GRM1: variants seen among roughly 807,000 people sequenced by gnomAD.
The protein encoded by GRM1 is metabotropic glutamate receptor 1.
Under a neutral mutation model 90.9 loss-of-function variants are expected in GRM1, and 33 were observed. The observed-to-expected ratio is 0.36, with a 90% CI of 0.28 to 0.49. GRM1 has a LOEUF of 0.49. GRM1 is among the 20% of genes least tolerant of loss of function. The pLI is 0.99. For missense variants in GRM1, 1,190 were observed against 1,534.3 expected, an observed-to-expected ratio of 0.78 and a Z score of 3.75; for synonymous variants, 700 against 613.2, an observed-to-expected ratio of 1.14 and a Z score of -2.09.
chr6:146,293,857 T>C (rs1783081959), intron 2 of GRM1, among the ~76,000 whole-genome samples: 1 of 151,642 alleles, frequency 6.6e-6, no homozygotes, highest in Admixed American at 6.6e-5. Context: ...GATTAAATTT[T>C]ATTGGCTTGG....
intron 1 of GRM1, among the ~76,000 whole-genome samples, chr6:146,036,424 T>C (rs530233367): frequency 1.9e-4 from 29 of 152,134 alleles, no homozygotes; most frequent in African/African-American, 6.7e-4. Flanking sequence ...AAAATGTCAC[T>C]GTCTTATGCA....
chr6:146,149,393 A>G (rs1777233739), intron 1 of GRM1, among the ~76,000 whole-genome samples: 1 of 152,204 alleles, frequency 6.6e-6, no homozygotes. Flanking sequence ...AGCTAAAGCT[A>G]CTGGGTCAGT....
At chr6:146,410,710 A>C (rs1205652805) in intron 7 of GRM1, among the ~76,000 whole-genome samples, 1 of 152,144 alleles carries the variant, frequency 6.6e-6, no homozygotes, top group African/African-American at 2.4e-5. Context: ...AAGGTGGAGG[A>C]AGTGCAGAGA....
intron 7 of GRM1, among the ~76,000 whole-genome samples, chr6:146,421,068 A>C (rs1373626442): frequency 1.3e-5 from 2 of 152,180 alleles, no homozygotes; most frequent in East Asian, 3.9e-4. Context: ...AGAATGTCTA[A>C]AAACCTCATA....
chr6:146,358,415 G>A lies in GRM1; in HGVS notation c.1602+721G>A, dbSNP rs190211702. ...ACTGGGGGATGCGCTAGGAAATGGA[G>A]CATAGGGGAGGGATTGTGAATGGCA... On this transcript the variant is annotated intron_variant, in intron 5 of 7. Coordinates refer to ENST00000282753, the MANE Select transcript of GRM1 (RefSeq NM_001278064.2). 1.3e-3 allele frequency among the ~76,000 whole-genome samples: 199 copies of A among 152,314 alleles called. 1 individual carries two copies. The highest frequency in any genetic ancestry group is 3.2e-3 in the Admixed American group (49 of 15,292).
chr6:146,190,160 G>A (rs939614104), intron 2 of GRM1, among the ~76,000 whole-genome samples: 2 of 152,132 alleles, frequency 1.3e-5, no homozygotes, highest in Non-Finnish European at 2.9e-5. Context: ...AGGAAGTGGG[G>A]AAAATTTTCA....
intron 2 of GRM1, among the ~76,000 whole-genome samples, chr6:146,253,587 G>A (rs1334705295): frequency 1.3e-5 from 2 of 152,086 alleles, no homozygotes; most frequent in Non-Finnish European, 2.9e-5. Flanking sequence ...GCAATTAGTA[G>A]GATAGACCTT....
At chr6:146,309,190 G>A (rs1280636683) in intron 3 of GRM1, among the ~76,000 whole-genome samples, 2 of 152,030 alleles carry the variant, frequency 1.3e-5, no homozygotes, top group Non-Finnish European at 2.9e-5. Flanking sequence ...CTTGAGGTCA[G>A]GAGTTCGAGA....
chr6:146,324,209 T>A (rs1308639686), intron 3 of GRM1, among the ~76,000 whole-genome samples: 1 of 152,120 alleles, frequency 6.6e-6, no homozygotes, highest in Non-Finnish European at 1.5e-5. Flanking sequence ...GAAAACCACC[T>A]ACTGAAGCCC....
intron 3 of GRM1, among the ~76,000 whole-genome samples, chr6:146,322,256 A>G (rs1171639569): frequency 2.0e-5 from 3 of 152,172 alleles, no homozygotes; most frequent in African/African-American, 2.4e-5. Context: ...ATTGCTGTCT[A>G]TTCCTTCCTC....
At chr6:146,110,555 A>T (rs1248632641) in intron 1 of GRM1, among the ~76,000 whole-genome samples, 1 of 152,142 alleles carries the variant, frequency 6.6e-6, no homozygotes, top group Non-Finnish European at 1.5e-5. Context: ...TATCCCACAG[A>T]TGGCATGTGG....
In GRM1 at chr6:146,154,651, A is replaced by G. The variant is rs1777457385; in HGVS notation, c.701-4697A>G. ...GGAATGTCTTATTAGATTTAATTAC[A>G]ATGCTCATGAAACTTTTACAGATGT... On this transcript the variant is annotated intron_variant, in intron 1 of 7. Coordinates refer to ENST00000282753, the MANE Select transcript of GRM1 (RefSeq NM_001278064.2). Among the ~76,000 whole-genome samples the G allele has an allele frequency of 2.0e-5, 3 of 152,228 alleles. No individual in the cohort carries two copies. In the South Asian group the frequency reaches 6.2e-4, roughly 31 times the overall value.
At chr6:146,033,206 C>A (rs949966216) in intron 1 of GRM1, among the ~76,000 whole-genome samples, 40 of 152,016 alleles carry the variant, frequency 2.6e-4, no homozygotes, top group African/African-American at 9.4e-4. Context: ...AGTAATGGAG[C>A]CTTATCCACA....
At chr6:146,134,792 G>A (rs1776551745) in intron 1 of GRM1, among the ~76,000 whole-genome samples, 1 of 152,140 alleles carries the variant, frequency 6.6e-6, no homozygotes, top group East Asian at 1.9e-4. Context: ...GTAGCTGGGT[G>A]TGGTGGCAGG....
chr6:146,210,227 C>T (rs546311157), intron 2 of GRM1, among the ~76,000 whole-genome samples: 1 of 152,216 alleles, frequency 6.6e-6, no homozygotes, highest in South Asian at 2.1e-4. Context: ...GTCACGGAAG[C>T]TTTGCAATTT....
intron 2 of GRM1, among the ~76,000 whole-genome samples, chr6:146,230,705 C>A (rs1053750503): frequency 2.0e-5 from 3 of 152,090 alleles, no homozygotes; most frequent in Non-Finnish European, 4.4e-5. Context: ...CACAGAAAAA[C>A]CTGCATATGG....
intron 5 of GRM1, among the ~76,000 whole-genome samples, chr6:146,371,115 G>A (rs1332647629): frequency 1.3e-5 from 2 of 151,818 alleles, no homozygotes; most frequent in Non-Finnish European, 2.9e-5. Context: ...GCCAAAAACT[G>A]TGCTAGCACT....
At chr6:146,340,363 A>C (rs1784924989) in intron 3 of GRM1, 2 of 152,086 alleles carry the variant, frequency 1.3e-5, no homozygotes, top group Admixed American at 6.5e-5. Flanking sequence ...TCCCTTGTTG[A>C]AGGGTAATCT....
chr6:146,357,045 C>G (rs757560304), intron 4 of GRM1, among the ~76,000 whole-genome samples: 6 of 152,156 alleles, frequency 3.9e-5, no homozygotes, highest in African/African-American at 9.7e-5. Flanking sequence ...ATTAAAGATG[C>G]CTTTCTCAGA....
Sources: gnomAD v4.1 joint callset for allele counts (sites outside exome capture counted in the v4.1 genomes callset) on GRCh38, gnomAD v4.1.1 for gene constraint, MANE v1.5 for transcripts, NCBI Gene and HGNC (gene_info 2026-07-23, HGNC 2026-07-21) for gene names.